Variants in STK32B observed in about 807,000 individuals in gnomAD.
The protein encoded by STK32B is serine/threonine kinase 32B, also known as serine/threonine-protein kinase 32B.
In STK32B, 43 loss-of-function variants were observed where a neutral mutation model predicts 52.6. That is an observed-to-expected ratio of 0.82 (90% CI 0.64 to 1.05). The LOEUF (loss-of-function observed/expected upper bound fraction) is 1.05, where lower values mean the gene tolerates loss of function less well. Ranked by LOEUF, STK32B falls within the 50% of genes least tolerant of loss-of-function variation. The pLI, the probability that STK32B is intolerant of heterozygous loss-of-function variation, is 0.00. For synonymous variants in STK32B, 238 were observed against 204.3 expected (o/e 1.17, Z -1.41); for missense variants, 621 against 534.6 (o/e 1.16, Z -1.59).
chr4:5,397,186 C>G (rs1454476805), intron 4 of STK32B, among the ~76,000 whole-genome samples: 1 of 152,212 alleles, frequency 6.6e-6, no homozygotes, highest in East Asian at 1.9e-4. Context: ...TATCATTAGT[C>G]TCAGTAGATT....
At chr4:5,298,471 G>C (rs547319401) in intron 3 of STK32B, among the ~76,000 whole-genome samples, 3 of 152,130 alleles carry the variant, frequency 2.0e-5, no homozygotes, top group African/African-American at 4.8e-5. Flanking sequence ...CTTTCTTTCA[G>C]AGTTGCCCTG....
chr4:5,382,918 C>G (rs1006173312), intron 4 of STK32B, among the ~76,000 whole-genome samples: 4 of 152,204 alleles, frequency 2.6e-5, no homozygotes, highest in Non-Finnish European at 5.9e-5. Context: ...AAGGTCCCTT[C>G]CAGTGTCAAC....
intron 5 of STK32B, among the ~76,000 whole-genome samples, chr4:5,401,819 A>G (rs1035769688): frequency 2.0e-5 from 3 of 152,240 alleles, no homozygotes; most frequent in African/African-American, 7.2e-5. Flanking sequence ...AATCGCATAA[A>G]CAAAAAACAT....
At chr4:5,405,685 G>C (rs2109056002) in intron 5 of STK32B, among the ~76,000 whole-genome samples, 1 of 152,186 alleles carries the variant, frequency 6.6e-6, no homozygotes, top group Middle Eastern at 3.4e-3. Flanking sequence ...GCAGGAGTCA[G>C]GGGAAGTGCT....
chr4:5,296,549 T>C (rs1367904635), intron 3 of STK32B, among the ~76,000 whole-genome samples: 1 of 152,186 alleles, frequency 6.6e-6, no homozygotes, highest in African/African-American at 2.4e-5. Context: ...TCTTTGTTGG[T>C]TTACAGACTA....
intron 1 of STK32B, among the ~76,000 whole-genome samples, chr4:5,078,694 T>C (rs1712227828): frequency 6.6e-6 from 1 of 152,120 alleles, no homozygotes; most frequent in Non-Finnish European, 1.5e-5. Context: ...GCACCCTCCA[T>C]CTACCTGCTT....
chr4:5,321,488 T>G (rs1731485376), intron 3 of STK32B, among the ~76,000 whole-genome samples: 1 of 152,200 alleles, frequency 6.6e-6, no homozygotes, highest in South Asian at 2.1e-4. Flanking sequence ...CCCTTTGCTT[T>G]CTTTCCACTG....
intron 1 of STK32B, among the ~76,000 whole-genome samples, chr4:5,116,292 G>T (rs1714712401): frequency 6.6e-6 from 1 of 152,106 alleles, no homozygotes; most frequent in Admixed American, 6.5e-5. Context: ...GTACTTAGAA[G>T]GGCCCCGTGC....
At position 5,470,976 on chromosome 4, in the gene STK32B, C is replaced by T. The variant is rs1377435685; in HGVS notation, c.1106+2906C>T. Among the ~76,000 whole-genome samples, 1 of 152,234 alleles carries T rather than the reference C, an allele frequency of 6.6e-6. No homozygotes were observed. Among genetic ancestry groups the T allele is most frequent in the African/African-American group, 2.4e-5 (1 of 41,470 alleles). ...TCCGCCTGGACCACGTCCCCGGTCC[C>T]CAGCAGTTCCGCCTCCTTTCAATCT... On this transcript the variant is annotated intron_variant, in intron 11 of 11. Coordinates refer to ENST00000282908, the MANE Select transcript of STK32B (RefSeq NM_018401.3). This position sits in a 1 kb window ranked among gnomAD's most constrained non-coding sequence, Gnocchi z 4.6.
chr4:5,244,252 A>G (rs1178736036), intron 3 of STK32B, among the ~76,000 whole-genome samples: 6 of 152,004 alleles, frequency 3.9e-5, no homozygotes, highest in Middle Eastern at 3.2e-3. Context: ...ACAATTTCAG[A>G]GCCTGTTTAT....
intron 3 of STK32B, among the ~76,000 whole-genome samples, chr4:5,269,086 T>G (rs904669243): frequency 6.6e-6 from 1 of 152,112 alleles, no homozygotes; most frequent in South Asian, 2.1e-4. Flanking sequence ...CCAAGGCAGC[T>G]AGAGTTCATA....
In STK32B at chr4:5,064,757, T is replaced by A. The variant is rs1400881957; in HGVS notation, c.52+12842T>A. Among the ~76,000 whole-genome samples, 16 of 110,932 alleles carry A rather than the reference T, an allele frequency of 1.4e-4. No individual in the cohort carries two copies. The Admixed American group carries it at 1.7e-3, about 12-fold the overall frequency. The allele number at this position is 110,932 out of a possible 152,430, so 72.8% of individuals were successfully genotyped here. ...TATACTTATATACATATATAATATA[T>A]AAATATATACTTATATACATATATA... On this transcript the variant is annotated intron_variant, in intron 1 of 11. Transcript: ENST00000282908.
Position 5,116,880 on chromosome 4 carries a change from G to A in STK32B, c.53-23025G>A, listed in dbSNP as rs369334676. On this transcript the variant is annotated intron_variant, in intron 1 of 11. Transcript: ENST00000282908. ...TCACTTCTTTTGTTAAATCTATTCC[G>A]AAGTATTTTATTATTTTTGATGCTA... Among the ~76,000 whole-genome samples the A allele has an allele frequency of 1.5e-4, 23 of 152,098 alleles. No homozygotes were observed. The East Asian group carries it at 3.1e-3, about 20-fold the overall frequency.
chr4:5,220,478 C>T (rs1055085049), intron 3 of STK32B, among the ~76,000 whole-genome samples: 1 of 152,164 alleles, frequency 6.6e-6, no homozygotes, highest in African/African-American at 2.4e-5. Context: ...GAACTGAATA[C>T]TGAAGGATTA....
chr4:5,484,738 T>G (rs1041507494), intron 11 of STK32B, among the ~76,000 whole-genome samples: 5 of 152,184 alleles, frequency 3.3e-5, no homozygotes, highest in African/African-American at 1.2e-4. Context: ...AGTTGTTCCT[T>G]TCCATGTTTA....
chr4:5,352,880 A>T (rs76687935), intron 4 of STK32B, among the ~76,000 whole-genome samples: 1,579 of 152,226 alleles, frequency 0.01, 27 homozygotes, highest in East Asian at 0.074. Flanking sequence ...AAATACCAAC[A>T]TCATTTTTCA....
At chr4:5,029,126 A>G in the STK32B span, among the ~76,000 whole-genome samples, 1 of 152,148 alleles carries the variant, frequency 6.6e-6, no homozygotes, top group Admixed American at 6.5e-5. Flanking sequence ...TAGGGATTAC[A>G]ATTGAACATG....
chr4:5,180,786 T>A (rs1720291298), intron 3 of STK32B, among the ~76,000 whole-genome samples: 1 of 152,214 alleles, frequency 6.6e-6, no homozygotes, highest in Admixed American at 6.5e-5. Flanking sequence ...GCTCTACAAC[T>A]GGTAGAGGCA....
chr4:5,357,291 T>A (rs1197285052), intron 4 of STK32B, among the ~76,000 whole-genome samples: 8 of 123,162 alleles, frequency 6.5e-5, no homozygotes, highest in Non-Finnish European at 1.3e-4. Context: ...GAAACTACAA[T>A]GGATAAATAC....
Sources: gnomAD v4.1 joint callset for allele counts (sites outside exome capture counted in the v4.1 genomes callset) on GRCh38, gnomAD v4.1.1 for gene constraint, Gnocchi (gnomAD v3.1) non-coding constraint, MANE v1.5 for transcripts, NCBI Gene and HGNC (gene_info 2026-07-23, HGNC 2026-07-21) for gene names.